The following EHD2 variants were observed in gnomAD, a reference collection of about 807,000 sequenced individuals.
The protein encoded by EHD2 is EH domain-containing protein 2.
In EHD2, 27 loss-of-function variants were observed where a neutral mutation model predicts 41.0. The ratio of observed to expected loss-of-function variants is 0.66; its 90% CI spans 0.49 to 0.91. The LOEUF is 0.91. EHD2 is among the 40% of genes least tolerant of loss of function. EHD2 has a pLI of 0.00. For missense variants in EHD2, 673 were observed against 773.9 expected (o/e 0.87, Z 1.55); for synonymous variants, 342 against 341.0 (o/e 1.00, Z -0.03).
At chr19:47,738,038 G>A (rs1025869028) in intron 5 of EHD2, among the ~76,000 whole-genome samples, 3 of 151,722 alleles carry the variant, frequency 2.0e-5, no homozygotes, top group Non-Finnish European at 4.4e-5. Flanking sequence ...GTGCCACCAC[G>A]TACAGATAAT....
Position 47,736,389 on chromosome 19 carries a change from C to T in EHD2, c.936C>T (p.Ser312=), listed in dbSNP as rs199706388. Residue 312 remains serine (S), a synonymous_variant, in exon 5 of 6, where the codon AGC becomes AGT. Coordinates refer to ENST00000263277, the MANE Select transcript of EHD2 (RefSeq NM_014601.4). ...CACAGGTTCACGCTTACATCATCAG[C>T]TACCTGAAGAAGGAGATGCCCTCTG... The part of the protein sequence containing the change: ...RLVRVHAYII[S]YLKKEMPSVF... 274 of 1,613,250 alleles carry T rather than the reference C, an allele frequency of 1.7e-4. 2 individuals carry two copies. In the East Asian group the frequency reaches 4.4e-3, roughly 26 times the overall value.
Position 47,736,374 on chromosome 19 carries a change from C to T in EHD2, c.921C>T (p.His307=), listed in dbSNP as rs776110210. ...LVKRARLVRV[H]AYIISYLKKE... ...GGTGAGAACCCTTCCCACAGGTTCACGCTTACATCATCAGCTACCTGAAGA... is the reference window on the plus strand; with the variant it reads ...GGTGAGAACCCTTCCCACAGGTTCATGCTTACATCATCAGCTACCTGAAGA... The change falls in exon 5 of 6, where the codon CAC becomes CAT. Residue 307 remains histidine, a synonymous_variant. Transcript: ENST00000263277. The T allele has an allele frequency of 4.3e-5, 69 of 1,612,850 alleles. No individual in the cohort carries two copies. Among genetic ancestry groups the T allele is most frequent in the Non-Finnish European group, 5.5e-5 (65 of 1,179,606 alleles).
At chr19:47,724,653 G>C (rs1973730559) in intron 3 of EHD2, among the ~76,000 whole-genome samples, 1 of 152,142 alleles carries the variant, frequency 6.6e-6, no homozygotes, top group Admixed American at 6.6e-5. Context: ...GGCTGGGATG[G>C]GTGCTTCATA....
intron 3 of EHD2, among the ~76,000 whole-genome samples, chr19:47,721,782 C>T (rs1166450744): frequency 1.3e-5 from 2 of 151,906 alleles, no homozygotes; most frequent in Admixed American, 6.6e-5. Context: ...GTCAGGAGTT[C>T]GAGACCAGCC....
intron 5 of EHD2, 125 bp from the exon 6 acceptor site, chr19:47,740,756 C>G: frequency 9.4e-7 from 1 of 1,064,858 alleles, no homozygotes; most frequent in Non-Finnish European, 1.3e-6. Context: ...TCAAAACAAA[C>G]AACAGTAAAA....
intron 4 of EHD2, chr19:47,731,279 A>AAAATATATATAT: frequency 8.2e-5 from 5 of 60,932 alleles, no homozygotes; most frequent in African/African-American, 2.4e-4. Flanking sequence ...AAAAAAAAAA[A>AAAATATATATAT]ATATATATAT....
intron 4 of EHD2, among the ~76,000 whole-genome samples, chr19:47,734,095 G>A (rs1052408313): frequency 1.3e-5 from 2 of 152,162 alleles, no homozygotes; most frequent in Admixed American, 6.6e-5. Context: ...GAGACCTGTC[G>A]GGCCACCTTG....
In EHD2 at chr19:47,742,157, C is replaced by T. The variant is rs1393077642; in HGVS notation, c.*725C>T. 5.9e-6 allele frequency: 2 copies of T among 338,344 alleles called. No homozygotes were observed. Among genetic ancestry groups the T allele is most frequent in the South Asian group, 4.5e-5 (2 of 44,532 alleles). The allele number at this position is 338,344 out of a possible 1,614,324, so 21.0% of individuals were successfully genotyped here. A position where few individuals can be genotyped will look rare whatever the true frequency, so the allele number is the denominator to read the frequency against. ...CTTCCTTCCTTCTTTTCTTTCCTTC[C>T]TTCCTTCTTTTTTGTTTTTGCCCCC... On this transcript the variant is annotated 3_prime_UTR_variant, in exon 6 of 6. Coordinates refer to ENST00000263277, the MANE Select transcript of EHD2 (RefSeq NM_014601.4).
At chr19:47,731,280 A>AAAAAAAAAAAAAAAAT (rs1491458646) in intron 4 of EHD2, 1 of 54,730 alleles carries the variant, frequency 1.8e-5, no homozygotes, top group African/African-American at 6.5e-5. Flanking sequence ...AAAAAAAAAA[A>AAAAAAAAAAAAAAAAT]TATATATATA....
At chr19:47,728,820 T>C (rs1048281435) in intron 4 of EHD2, among the ~76,000 whole-genome samples, 1 of 152,234 alleles carries the variant, frequency 6.6e-6, no homozygotes, top group African/African-American at 2.4e-5. Flanking sequence ...TCCGCCCGCC[T>C]TGGCCTCCCA....
At chr19:47,740,255 G>T (rs945663829) in intron 5 of EHD2, among the ~76,000 whole-genome samples, 1 of 151,820 alleles carries the variant, frequency 6.6e-6, no homozygotes, top group Non-Finnish European at 1.5e-5. Flanking sequence ...TAGTCCCAGC[G>T]AATTGCGGGG....
In EHD2 at chr19:47,741,310, G is replaced by A. The variant is rs1334244746; in HGVS notation, c.1510G>A (p.Glu504Lys). Residue 504 changes from glutamate (E) to lysine (K), a missense_variant, in exon 6 of 6, where the codon GAG becomes AAG. By Grantham distance (56) the Glu-to-Lys change is moderately conservative. Transcript: ENST00000263277. This position sits in a 1 kb window ranked among gnomAD's most constrained non-coding sequence, Gnocchi z 4.5. The part of the protein sequence containing the change: ...DVDRDGMLDD[E>K]EFALASHLIE... ...GGACCGCGACGGCATGCTGGATGAT[G>A]AGGAGTTCGCGCTGGCCAGCCACCT... The A allele has an allele frequency of 6.2e-7, 1 of 1,613,808 alleles. No homozygotes were observed. Among genetic ancestry groups the A allele is most frequent in the Non-Finnish European group, 8.5e-7 (1 of 1,179,938 alleles).
At chr19:47,728,226 C>T (rs1379151045) in intron 4 of EHD2, among the ~76,000 whole-genome samples, 1 of 152,124 alleles carries the variant, frequency 6.6e-6, no homozygotes, top group Non-Finnish European at 1.5e-5. Context: ...GTCCTCATCT[C>T]CCATTCCCTT....
rs1021265362 is a variant in EHD2 at position 47,719,781 on chromosome 19, C to T, written c.502+1175C>T. On this transcript the variant is annotated intron_variant, in intron 3 of 5. Coordinates refer to ENST00000263277, the MANE Select transcript of EHD2 (RefSeq NM_014601.4). The surrounding 1 kb of genome is among the most constrained non-coding windows in gnomAD (Gnocchi z 4.1). ...ATTCCTGGGGCTCCCACCCCAGGGC[C>T]TGGACCTGGGACAGCGGGAGGGAGA... Among the ~76,000 whole-genome samples the T allele has an allele frequency of 2.6e-5, 4 of 151,982 alleles. No homozygotes were observed. The highest frequency in any genetic ancestry group is 9.7e-5 in the African/African-American group (4 of 41,382).
intron 1 of EHD2, among the ~76,000 whole-genome samples, chr19:47,714,017 A>G (rs1017052351): frequency 6.6e-6 from 1 of 151,950 alleles, no homozygotes; most frequent in Non-Finnish European, 1.5e-5. Context: ...CCCACATCCC[A>G]GATCCTGCCT....
At chr19:47,736,575 GGAA>G in intron 5 of EHD2, 42 bp downstream of exon 5, 1 of 1,532,524 alleles carries the variant, frequency 6.5e-7, no homozygotes, top group Non-Finnish European at 8.8e-7. Flanking sequence ...GTGGGTGATG[GGAA>G]GGTTGGTTTC....
chr19:47,722,406 C>T (rs1973706546), intron 3 of EHD2, among the ~76,000 whole-genome samples: 1 of 152,148 alleles, frequency 6.6e-6, no homozygotes, highest in Non-Finnish European at 1.5e-5. Flanking sequence ...AAACAACGGC[C>T]CCCAACCCCA....
chr19:47,737,326 G>C lies in EHD2; in HGVS notation c.1080+793G>C, dbSNP rs376561101. Among the ~76,000 whole-genome samples the C allele has an allele frequency of 1.8e-4, 27 of 151,290 alleles. No homozygotes were observed. The East Asian group carries it at 3.9e-3, about 22-fold the overall frequency. ...TTATTTTATTTTCATTTATTTATTT[G>C]AGACTTAAATATTTATATTTGTAAA... On this transcript the variant is annotated intron_variant, in intron 5 of 5. Transcript: ENST00000263277.
Position 47,726,130 on chromosome 19 carries a change from A to G in EHD2, c.821A>G (p.Glu274Gly). Residue 274 changes from glutamate (E) to glycine (G), a missense_variant, in exon 4 of 6, where the codon GAG becomes GGG. Physicochemically the swap from Glu to Gly is moderately conservative, Grantham distance 98. Transcript: ENST00000263277. ...VPDNRRLFEL[E>G]EQDLFRDIQG... ...GACAACCGGCGCCTCTTCGAGCTGG[A>G]GGAGCAGGACCTCTTCCGCGACATC... 1 of 1,579,564 alleles carries G rather than the reference A, an allele frequency of 6.3e-7. No individual in the cohort carries two copies. Among genetic ancestry groups the G allele is most frequent in the South Asian group, 1.2e-5 (1 of 86,798 alleles).
Sources: gnomAD v4.1 joint callset for allele counts (sites outside exome capture counted in the v4.1 genomes callset) on GRCh38, gnomAD v4.1.1 for gene constraint, Gnocchi (gnomAD v3.1) non-coding constraint, MANE v1.5 for transcripts, NCBI Gene and HGNC (gene_info 2026-07-23, HGNC 2026-07-21) for gene names.